Variants in MARCHF5 observed in about 807,000 individuals in gnomAD.
The protein encoded by MARCHF5 is membrane associated ring-CH-type finger 5, also known as E3 ubiquitin-protein ligase MARCHF5.
A neutral mutation model predicts 36.5 loss-of-function variants in MARCHF5; 5 were observed. That is an observed-to-expected ratio of 0.14 (90% CI 0.07 to 0.29). The LOEUF is 0.29. MARCHF5 is among the 10% of genes least tolerant of loss of function. The pLI is 1.00. For synonymous variants in MARCHF5, 103 were observed against 109.9 expected, an observed-to-expected ratio of 0.94 and a Z score of 0.39; for missense variants, 179 against 336.3, an observed-to-expected ratio of 0.53 and a Z score of 3.66.
intron 1 of MARCHF5, among the ~76,000 whole-genome samples, chr10:92,297,162 A>G (rs893860478): frequency 2.0e-5 from 3 of 149,336 alleles, no homozygotes; most frequent in Non-Finnish European, 4.4e-5. Context: ...ATATTAATAG[A>G]CTACTTTTTT....
chr10:92,320,717 T>C (rs1843280413), intron 2 of MARCHF5, among the ~76,000 whole-genome samples: 1 of 148,054 alleles, frequency 6.8e-6, no homozygotes, highest in Non-Finnish European at 1.5e-5. Context: ...TTTTAAGCTG[T>C]TAATACAAAA....
intron 2 of MARCHF5, among the ~76,000 whole-genome samples, chr10:92,324,901 G>T (rs563147358): frequency 6.6e-6 from 1 of 151,812 alleles, no homozygotes; most frequent in Non-Finnish European, 1.5e-5. Flanking sequence ...ATGGCCTAAC[G>T]TAGGTTTATC....
intron 2 of MARCHF5, among the ~76,000 whole-genome samples, chr10:92,315,006 T>C (rs548730654): frequency 9.8e-5 from 15 of 152,354 alleles, no homozygotes; most frequent in South Asian, 2.1e-4. Context: ...AATGAAGCCA[T>C]GTGTGAATTG....
chr10:92,297,325 C>T (rs2135174707), intron 1 of MARCHF5, among the ~76,000 whole-genome samples: 1 of 151,836 alleles, frequency 6.6e-6, no homozygotes, highest in Admixed American at 6.6e-5. Flanking sequence ...CACCACCACA[C>T]CTAGCTGATT....
At chr10:92,291,835 C>T (rs1177945984) in intron 1 of MARCHF5, among the ~76,000 whole-genome samples, 1 of 147,676 alleles carries the variant, frequency 6.8e-6, no homozygotes, top group Non-Finnish European at 1.5e-5. Flanking sequence ...TCTTCCCCTC[C>T]CCCTTCCCCC....
intron 2 of MARCHF5, among the ~76,000 whole-genome samples, 153 bp from the exon 3 acceptor site, chr10:92,340,520 T>A (rs1012944046): frequency 6.6e-6 from 1 of 152,242 alleles, no homozygotes; most frequent in Non-Finnish European, 1.5e-5. Flanking sequence ...TGTAGTGAGC[T>A]ATGATCATGC....
At position 92,291,270 on chromosome 10, in the gene MARCHF5, C is replaced by T. The variant is rs1842854706; in HGVS notation, c.-225C>T. ...GGAACCCGGGCCGCGATCGCCGCCTCCCCGCCTCAGGCTCCTCCTCCTCGC... is the reference window on the plus strand; with the variant it reads ...GGAACCCGGGCCGCGATCGCCGCCTTCCCGCCTCAGGCTCCTCCTCCTCGC... On this transcript the variant is annotated 5_prime_UTR_variant, in exon 1 of 6. Transcript: ENST00000358935. 2 of 542,172 alleles carry T rather than the reference C, an allele frequency of 3.7e-6. No individual in the cohort carries two copies. Among genetic ancestry groups the T allele is most frequent in the East Asian group, 3.5e-5 (1 of 28,900 alleles). The allele number at this position is 542,172 out of a possible 1,614,324, so 33.6% of individuals were successfully genotyped here.
intron 2 of MARCHF5, among the ~76,000 whole-genome samples, chr10:92,340,369 A>G (rs1843565361): frequency 6.6e-6 from 1 of 152,218 alleles, no homozygotes; most frequent in Non-Finnish European, 1.5e-5. Flanking sequence ...TTCCCATCAA[A>G]TTTATAACAG....
intron 2 of MARCHF5, among the ~76,000 whole-genome samples, chr10:92,326,338 A>G (rs1590659375): frequency 6.6e-6 from 1 of 152,092 alleles, no homozygotes; most frequent in Admixed American, 6.6e-5. Flanking sequence ...TGCATAATAG[A>G]TATTGTCCTC....
intron 1 of MARCHF5, among the ~76,000 whole-genome samples, chr10:92,292,262 G>A (rs1043892567): frequency 1.3e-5 from 2 of 152,014 alleles, no homozygotes; most frequent in Non-Finnish European, 2.9e-5. Flanking sequence ...CGGGTGCACC[G>A]CCCTCTGCTG....
In MARCHF5 at chr10:92,352,872, A is replaced by T. The variant is rs898957100; in HGVS notation, c.*1665A>T. ...TATAACATCTATGGTTATATATTTT[A>T]AAAACTTAGATTATAGGCTGTAATT... On this transcript the variant is annotated 3_prime_UTR_variant, in exon 6 of 6. Transcript: ENST00000358935. 2.0e-5 allele frequency: 3 copies of T among 152,674 alleles called. No homozygotes were observed. Among genetic ancestry groups the T allele is most frequent in the Non-Finnish European group, 2.9e-5 (2 of 68,048 alleles). The allele number at this position is 152,674 out of a possible 1,614,324, so 9.5% of individuals were successfully genotyped here.
Position 92,301,755 on chromosome 10 carries a change from A to G in MARCHF5, c.36-9380A>G, listed in dbSNP as rs538612400. On this transcript the variant is annotated intron_variant, in intron 1 of 5. Coordinates refer to ENST00000358935, the MANE Select transcript of MARCHF5 (RefSeq NM_017824.5). Reference sequence around the variant, plus strand: ...CCTGTACACTTTACGTTCTCTCTAGATTACATATAATACCTAATACAGGCC... The same window carrying G: ...CCTGTACACTTTACGTTCTCTCTAGGTTACATATAATACCTAATACAGGCC... Among the ~76,000 whole-genome samples the G allele has an allele frequency of 2.4e-4, 36 of 152,276 alleles. 3 individuals carry two copies. The South Asian group carries it at 6.6e-3, about 28-fold the overall frequency.
rs1843735599 is a variant in MARCHF5 at position 92,352,964 on chromosome 10, T to G, written c.*1757T>G. 1 of 152,624 alleles carries G rather than the reference T, an allele frequency of 6.6e-6. No individual in the cohort carries two copies. Among genetic ancestry groups the G allele is most frequent in the South Asian group, 2.1e-4 (1 of 4,834 alleles). The allele number at this position is 152,624 out of a possible 1,614,324, so 9.5% of individuals were successfully genotyped here. A position where few individuals can be genotyped will look rare whatever the true frequency, so the allele number is the denominator to read the frequency against. On this transcript the variant is annotated 3_prime_UTR_variant, in exon 6 of 6. Coordinates refer to ENST00000358935, the MANE Select transcript of MARCHF5 (RefSeq NM_017824.5). ...TAAATGGACACATATCTTGCAAAATTTTGTTGTATAGAACAGTTTTTAGGC... is the reference window on the plus strand; with the variant it reads ...TAAATGGACACATATCTTGCAAAATGTTGTTGTATAGAACAGTTTTTAGGC...
At chr10:92,318,236 C>T (rs56280701) in intron 2 of MARCHF5, among the ~76,000 whole-genome samples, 2 of 148,584 alleles carry the variant, frequency 1.3e-5, no homozygotes, top group Admixed American at 6.7e-5. Flanking sequence ...AAACCAGCCT[C>T]GGCAACATAG....
intron 1 of MARCHF5, among the ~76,000 whole-genome samples, chr10:92,303,960 G>A (rs1843044823): frequency 6.6e-6 from 1 of 152,104 alleles, no homozygotes; most frequent in African/African-American, 2.4e-5. Flanking sequence ...AAATGAATAT[G>A]CCCCAACTTG....
chr10:92,297,302 G>A (rs1308775135), intron 1 of MARCHF5, among the ~76,000 whole-genome samples: 1 of 151,412 alleles, frequency 6.6e-6, no homozygotes, highest in Non-Finnish European at 1.5e-5. Flanking sequence ...GAGTAGCTGG[G>A]ACTACTGGTG....
Position 92,291,380 on chromosome 10 carries a change from G to T in MARCHF5, c.-115G>T. 1 of 968,656 alleles carries T rather than the reference G, an allele frequency of 1.0e-6. No individual in the cohort carries two copies. 60.0% of individuals were successfully genotyped at this position (968,656 alleles called of 1,614,324 possible). A position where few individuals can be genotyped will look rare whatever the true frequency, so the allele number is the denominator to read the frequency against. On this transcript the variant is annotated 5_prime_UTR_variant, in exon 1 of 6. Transcript: ENST00000358935. ...GCTGCCCCGGGAAGCTGGGTGACGG[G>T]TTCGCGGCTGCCGCCGGACTGCGGC... is the stretch of plus-strand genomic sequence containing the variant.
intron 1 of MARCHF5, among the ~76,000 whole-genome samples, chr10:92,310,526 C>A (rs138760982): frequency 2.0e-5 from 3 of 151,946 alleles, no homozygotes; most frequent in Admixed American, 6.6e-5. Flanking sequence ...CAAGCATACA[C>A]GCCCAAATTT....
chr10:92,324,964 G>A (rs2094503549), intron 2 of MARCHF5, among the ~76,000 whole-genome samples: 1 of 152,060 alleles, frequency 6.6e-6, no homozygotes, highest in Non-Finnish European at 1.5e-5. Flanking sequence ...GCTGCTGTTG[G>A]AGTAGTCTAT....
Sources: gnomAD v4.1 joint callset for allele counts (sites outside exome capture counted in the v4.1 genomes callset) on GRCh38, gnomAD v4.1.1 for gene constraint, MANE v1.5 for transcripts, NCBI Gene and HGNC (gene_info 2026-07-23, HGNC 2026-07-21) for gene names.